Variants in BMAL2 observed in about 807,000 individuals in gnomAD.
BMAL2 encodes basic helix-loop-helix ARNT like 2.
chr12:27,400,514 T>G, the BMAL2 span: 1 of 1,536,918 alleles, frequency 6.5e-7, no homozygotes, highest in Non-Finnish European at 8.8e-7. Flanking sequence ...AAATGTCCTT[T>G]TTAAAAATCT....
At chr12:27,410,438 C>A in the BMAL2 span, among the ~76,000 whole-genome samples, 18 of 152,178 alleles carry the variant, frequency 1.2e-4, no homozygotes, top group Non-Finnish European at 4.4e-5. Context: ...AGTTCATGTC[C>A]TTTGTAGGGA....
At chr12:27,369,036 C>T in the BMAL2 span, among the ~76,000 whole-genome samples, 4 of 152,254 alleles carry the variant, frequency 2.6e-5, no homozygotes, top group East Asian at 1.9e-4. Context: ...GCTACGCAGG[C>T]GGCTGAGGTA....
At chr12:27,388,033 C>T in the BMAL2 span, among the ~76,000 whole-genome samples, 10 of 152,094 alleles carry the variant, frequency 6.6e-5, no homozygotes, top group African/African-American at 2.4e-4. Flanking sequence ...TAGCTGGGGG[C>T]ACAAACCTCA....
the BMAL2 span, among the ~76,000 whole-genome samples, chr12:27,372,919 C>T: frequency 2.0e-5 from 3 of 152,096 alleles, no homozygotes; most frequent in Admixed American, 2.0e-4. Context: ...GTGATCTGCC[C>T]ACCTCGGCCT....
the BMAL2 span, among the ~76,000 whole-genome samples, chr12:27,396,845 G>T: frequency 6.6e-6 from 1 of 152,210 alleles, no homozygotes; most frequent in Non-Finnish European, 1.5e-5. Flanking sequence ...CCTGGTTTGA[G>T]AACTGCCTGT....
At chr12:27,353,958 C>T in the BMAL2 span, among the ~76,000 whole-genome samples, 1 of 152,294 alleles carries the variant, frequency 6.6e-6, no homozygotes, top group Non-Finnish European at 1.5e-5. Flanking sequence ...AACACTGACA[C>T]ACTACTGATG....
At chr12:27,390,454 G>A in the BMAL2 span, 1 of 484,628 alleles carries the variant, frequency 2.1e-6, no homozygotes, top group East Asian at 4.0e-5. Context: ...TGTTGCCCAA[G>A]ATTTTAATGG....
chr12:27,421,868 A>C, the BMAL2 span: 1 of 152,228 alleles, frequency 6.6e-6, no homozygotes, highest in Non-Finnish European at 1.5e-5. Flanking sequence ...CATTGGTCTC[A>C]CAGATTAAAT....
chr12:27,346,464 T>C, the BMAL2 span, among the ~76,000 whole-genome samples: 1 of 152,188 alleles, frequency 6.6e-6, no homozygotes, highest in Non-Finnish European at 1.5e-5. Context: ...GGTTTCACCA[T>C]GTTGGCCAGG....
chr12:27,372,212 CAGAG>C, the BMAL2 span, among the ~76,000 whole-genome samples: 3 of 120,674 alleles, frequency 2.5e-5, no homozygotes, highest in Admixed American at 2.1e-4. Context: ...GCCTGGGTGA[CAGAG>C]AGAGACTCTA....
chr12:27,343,543 G>C, the BMAL2 span, among the ~76,000 whole-genome samples: 6 of 152,148 alleles, frequency 3.9e-5, no homozygotes, highest in South Asian at 1.2e-3. Flanking sequence ...ATTATATTTT[G>C]TTGAGCTGTA....
the BMAL2 span, among the ~76,000 whole-genome samples, chr12:27,346,870 A>G: frequency 6.6e-6 from 1 of 152,148 alleles, no homozygotes; most frequent in Non-Finnish European, 1.5e-5. Flanking sequence ...TCCTTCATGA[A>G]TAGGTTAACG....
the BMAL2 span, among the ~76,000 whole-genome samples, chr12:27,356,206 G>A: frequency 6.6e-6 from 1 of 152,172 alleles, no homozygotes; most frequent in African/African-American, 2.4e-5. Context: ...TTAGGCGAAG[G>A]TGGAATGCAT....
the BMAL2 span, among the ~76,000 whole-genome samples, chr12:27,377,907 G>GGT: frequency 6.6e-6 from 1 of 152,102 alleles, no homozygotes; most frequent in Non-Finnish European, 1.5e-5. Context: ...TGGGGCAGGG[G>GGT]GTGTGGTAGC....
chr12:27,401,766 G>A, the BMAL2 span: 139,476 of 877,122 alleles, frequency 0.16, 11,599 homozygotes, highest in African/African-American at 0.2. Flanking sequence ...TTAAAACTGT[G>A]TGATCCTCTG....
the BMAL2 span, chr12:27,370,038 C>A: frequency 1.1e-6 from 1 of 888,732 alleles, no homozygotes; most frequent in Non-Finnish European, 1.9e-6. Flanking sequence ...TAGCTGGACA[C>A]AGTAGGCTAC....
the BMAL2 span, among the ~76,000 whole-genome samples, chr12:27,352,434 C>T: frequency 1.3e-5 from 2 of 152,200 alleles, no homozygotes; most frequent in Non-Finnish European, 2.9e-5. Context: ...TAAGAGCCAT[C>T]TATGGCAGAC....
the BMAL2 span, chr12:27,401,330 G>C: frequency 6.2e-7 from 1 of 1,613,856 alleles, no homozygotes; most frequent in Non-Finnish European, 8.5e-7. Flanking sequence ...TCATCAAGAT[G>C]ACCACAATAA....
the BMAL2 span, among the ~76,000 whole-genome samples, chr12:27,405,194 G>A: frequency 1.3e-5 from 2 of 152,314 alleles, no homozygotes; most frequent in Middle Eastern, 3.4e-3. Flanking sequence ...CAAACAAAAG[G>A]CAGCAGAAAA....
Sources: allele counts gnomAD v4.1 joint callset (sites outside exome capture counted in the v4.1 genomes callset), GRCh38; gene constraint gnomAD v4.1.1; transcripts MANE v1.5; gene names NCBI Gene and HGNC (gene_info 2026-07-23, HGNC 2026-07-21).